The following SLC39A10 variants were observed in gnomAD, a reference collection of about 807,000 sequenced individuals.
The protein encoded by SLC39A10 is zinc transporter ZIP10.
Under a neutral mutation model 65.1 loss-of-function variants are expected in SLC39A10, and 13 were observed. The ratio of observed to expected loss-of-function variants is 0.20; its 90% CI spans 0.13 to 0.32. SLC39A10 has a LOEUF of 0.32. Ranked by LOEUF, SLC39A10 falls within the 10% of genes least tolerant of loss-of-function variation. SLC39A10 has a pLI of 1.00. For missense variants in SLC39A10, 831 were observed against 1,018.4 expected (o/e 0.82, Z 2.50); for synonymous variants, 321 against 342.2 (o/e 0.94, Z 0.68).
chr2:195,671,316 A>G (rs919105391), intron 1 of SLC39A10, among the ~76,000 whole-genome samples: 13 of 152,198 alleles, frequency 8.5e-5, no homozygotes, highest in African/African-American at 2.4e-4. Context: ...AACTGTGGTT[A>G]TGTATTGGAA....
upstream of SLC39A10, among the ~76,000 whole-genome samples, chr2:195,652,506 G>C (rs565954704): frequency 1.4e-5 from 2 of 146,154 alleles, no homozygotes; most frequent in Non-Finnish European, 3.0e-5. Context: ...CCGAGATCTC[G>C]CCACTGCACT....
Position 195,680,746 on chromosome 2 carries a change from A to T in SLC39A10, c.704A>T (p.Lys235Ile), listed in dbSNP as rs758431832. Residue 235 changes from lysine to isoleucine, a missense_variant, in exon 2 of 10, where the codon AAA becomes ATA. Transcript: ENST00000359634. ...AAACTACCGAAAGGAAAGAGGAAGA[A>T]AAAAGGGAGGAAAAGTAATGAAAAT... ...DVKLPKGKRKKKGRKSNENSE... is the reference protein window; with the variant it reads ...DVKLPKGKRKIKGRKSNENSE... 1 of 1,614,190 alleles carries T rather than the reference A, an allele frequency of 6.2e-7. No homozygotes were observed. The highest frequency in any genetic ancestry group is 8.5e-7 in the Non-Finnish European group (1 of 1,180,022).
At chr2:195,674,277 T>C (rs748156029) in intron 1 of SLC39A10, among the ~76,000 whole-genome samples, 14 of 152,144 alleles carry the variant, frequency 9.2e-5, no homozygotes, top group Non-Finnish European at 1.6e-4. Context: ...CCACTTTTCC[T>C]TATTTTATTT....
intron 5 of SLC39A10, 27 bp downstream of exon 5, chr2:195,708,871 T>TA: frequency 3.3e-6 from 5 of 1,523,844 alleles, no homozygotes; most frequent in Non-Finnish European, 4.4e-6. Context: ...TATTTAATTT[T>TA]ATACCATAAA....
chr2:195,650,089 T>G (rs1200701784), intron 2 of SLC39A10, among the ~76,000 whole-genome samples: 1 of 152,156 alleles, frequency 6.6e-6, no homozygotes, highest in East Asian at 1.9e-4. Flanking sequence ...AAATGCTAAC[T>G]GTGTAATTGT....
chr2:195,652,375 C>A (rs1574223081), upstream of SLC39A10, among the ~76,000 whole-genome samples: 1 of 151,736 alleles, frequency 6.6e-6, no homozygotes, highest in East Asian at 1.9e-4. Context: ...TGGAGAAAAC[C>A]CGTCTCTCCC....
chr2:195,713,589 CTTTTTTT>C (rs761635413), intron 6 of SLC39A10, 36 bp downstream of exon 6: 20 of 1,224,604 alleles, frequency 1.6e-5, no homozygotes, highest in Non-Finnish European at 2.2e-5. Flanking sequence ...AAACTTTTTT[CTTTTTTT>C]TTTTTCATTC....
chr2:195,667,316 A>C (rs1401242317), intron 1 of SLC39A10, among the ~76,000 whole-genome samples: 1 of 152,194 alleles, frequency 6.6e-6, no homozygotes, highest in Non-Finnish European at 1.5e-5. Flanking sequence ...CAAACCATGA[A>C]GCTGTAAGAG....
chr2:195,617,418 C>T (rs543942796), intron 2 of SLC39A10, among the ~76,000 whole-genome samples: 20 of 151,974 alleles, frequency 1.3e-4, no homozygotes, highest in Middle Eastern at 3.4e-3. Flanking sequence ...AAAAATTAGC[C>T]GGGTGTGGTG....
intron 1 of SLC39A10, among the ~76,000 whole-genome samples, chr2:195,665,772 C>T (rs1029516971): frequency 2.0e-5 from 3 of 152,084 alleles, no homozygotes; most frequent in African/African-American, 4.8e-5. Context: ...ACCATGTCTC[C>T]AGATAACATG....
chr2:195,648,794 T>C (rs1688976176), intron 2 of SLC39A10, among the ~76,000 whole-genome samples: 1 of 152,216 alleles, frequency 6.6e-6, no homozygotes, highest in African/African-American at 2.4e-5. Flanking sequence ...TCAGTTTTCT[T>C]CATTTGTGAA....
In SLC39A10 at chr2:195,683,743, C is replaced by T; in HGVS notation, c.1053C>T (p.Ala351=). 6.2e-7 allele frequency: 1 copy of T among 1,613,232 alleles called. No individual in the cohort carries two copies. The highest frequency in any genetic ancestry group is 2.2e-5 in the East Asian group (1 of 44,794). ...TATTAAAATACTATGGTCATGGTGC[C>T]AACTCTCCCATCTCAACTGATTTAT... ...TQLLKYYGHG[A]NSPISTDLFT... Residue 351 remains alanine (A), a synonymous_variant, in exon 3 of 10, where the codon GCC becomes GCT. Transcript: ENST00000359634.
At chr2:195,729,350 G>T (rs1692357622) in intron 9 of SLC39A10, among the ~76,000 whole-genome samples, 1 of 151,910 alleles carries the variant, frequency 6.6e-6, no homozygotes, top group Non-Finnish European at 1.5e-5. Flanking sequence ...GTAAACAATT[G>T]TTTCTTTTTG....
intron 7 of SLC39A10, among the ~76,000 whole-genome samples, chr2:195,717,581 C>G (rs1691865783): frequency 6.6e-6 from 1 of 151,648 alleles, no homozygotes; most frequent in South Asian, 2.1e-4. Context: ...TTTACAGTAG[C>G]TGTTTTTGTT....
At chr2:195,690,611 C>T (rs1690702451) in intron 3 of SLC39A10, among the ~76,000 whole-genome samples, 1 of 152,124 alleles carries the variant, frequency 6.6e-6, no homozygotes. Flanking sequence ...TTGAATTTTC[C>T]TAAAGATTAG....
intron 2 of SLC39A10, among the ~76,000 whole-genome samples, chr2:195,640,434 C>CATCAGATAT (rs1290378813): frequency 6.6e-6 from 1 of 150,638 alleles, no homozygotes; most frequent in African/African-American, 2.4e-5. Context: ...GAGGTTGAGC[C>CATCAGATAT]AAAGAAAAAA....
chr2:195,638,270 G>A (rs925889390), intron 2 of SLC39A10, among the ~76,000 whole-genome samples: 57 of 152,014 alleles, frequency 3.7e-4, no homozygotes, highest in African/African-American at 1.4e-3. Flanking sequence ...TAGGATTACA[G>A]GTATGAACTA....
At chr2:195,671,114 A>C (rs1009847027) in intron 1 of SLC39A10, among the ~76,000 whole-genome samples, 7 of 152,192 alleles carry the variant, frequency 4.6e-5, no homozygotes. Flanking sequence ...TAATCACTTC[A>C]CTACATATTT....
chr2:195,655,203 G>C (rs1689120833), upstream of SLC39A10, among the ~76,000 whole-genome samples: 1 of 152,156 alleles, frequency 6.6e-6, no homozygotes, highest in Non-Finnish European at 1.5e-5. Flanking sequence ...AATCTTGAGA[G>C]GAAGGACTGG....
Sources: gnomAD v4.1 joint callset for allele counts (sites outside exome capture counted in the v4.1 genomes callset) on GRCh38, gnomAD v4.1.1 for gene constraint, MANE v1.5 for transcripts, NCBI Gene and HGNC (gene_info 2026-07-23, HGNC 2026-07-21) for gene names.